Variants in SLC9A8 observed in about 807,000 individuals in gnomAD.
The protein encoded by SLC9A8 is sodium/hydrogen exchanger 8.
In SLC9A8, 48 loss-of-function variants were observed where a neutral mutation model predicts 66.6. The observed-to-expected ratio is 0.72, with a 90% CI of 0.57 to 0.92. The LOEUF is 0.92. Among genes scored for constraint, SLC9A8 ranks in the 40% least tolerant of loss-of-function variants. The probability of loss-of-function intolerance (pLI) is 0.00; values close to 1 mark genes in which losing one functional copy is unlikely to be tolerated. For missense variants in SLC9A8, 599 were observed against 747.3 expected, an observed-to-expected ratio of 0.80 and a Z score of 2.31; for synonymous variants, 274 against 282.6, an observed-to-expected ratio of 0.97 and a Z score of 0.31.
At chr20:49,830,724 G>A (rs568804876) in intron 3 of SLC9A8, 19 of 706,206 alleles carry the variant, frequency 2.7e-5, no homozygotes, top group South Asian at 1.2e-4. Flanking sequence ...AGTTGGCAAC[G>A]CAGCCAAGAT....
chr20:49,883,331 C>G (rs377114808), intron 13 of SLC9A8, among the ~76,000 whole-genome samples: 6 of 152,166 alleles, frequency 3.9e-5, no homozygotes, highest in African/African-American at 1.4e-4. Flanking sequence ...GGGTACTGGA[C>G]ACATTGCATC....
chr20:49,872,376 G>A (rs146920020), intron 10 of SLC9A8, among the ~76,000 whole-genome samples: 2 of 152,072 alleles, frequency 1.3e-5, no homozygotes, highest in Non-Finnish European at 2.9e-5. Flanking sequence ...AAAAAAGTAG[G>A]TTTCCTATAT....
chr20:49,884,263 CACACACACACG>C (rs1568883836), intron 14 of SLC9A8, 197 bp downstream of exon 14: 47 of 341,190 alleles, frequency 1.4e-4, no homozygotes, highest in African/African-American at 2.8e-4. Context: ...ACACACGACA[CACACACACACG>C]ACACACACAC....
chr20:49,829,929 A>C, intron 3 of SLC9A8: 2 of 583,492 alleles, frequency 3.4e-6, no homozygotes, highest in Admixed American at 3.8e-5. Flanking sequence ...ATCCAAGAGC[A>C]AAGTCCCCAG....
At chr20:49,851,003 A>G (rs1396481496) in intron 7 of SLC9A8, among the ~76,000 whole-genome samples, 159 bp downstream of exon 7, 8 of 152,144 alleles carry the variant, frequency 5.3e-5, no homozygotes, top group African/African-American at 1.9e-4. Flanking sequence ...GTTAATTTGT[A>G]TCTCTGAAAT....
At chr20:49,847,547 A>G (rs2088052525) in intron 5 of SLC9A8, among the ~76,000 whole-genome samples, 1 of 152,136 alleles carries the variant, frequency 6.6e-6, no homozygotes, top group African/African-American at 2.4e-5. Context: ...TGAAACTTCT[A>G]TCCACTTTCT....
At chr20:49,866,168 T>C (rs1046877470) in intron 10 of SLC9A8, among the ~76,000 whole-genome samples, 8 of 152,238 alleles carry the variant, frequency 5.3e-5, no homozygotes, top group Admixed American at 4.6e-4. Context: ...ACTGTCATTG[T>C]AGTTTAAATG....
chr20:49,834,331 GTGTATATATA>G (rs2087377259), intron 3 of SLC9A8, among the ~76,000 whole-genome samples: 1 of 83,490 alleles, frequency 1.2e-5, no homozygotes, highest in African/African-American at 5.0e-5. Flanking sequence ...TATATATACT[GTGTATATATA>G]TATATACTGT....
rs749056279 is a variant in SLC9A8, at chr20:49,874,751, G to A, written c.1005G>A (p.Thr335=). The A allele has an allele frequency of 1.2e-5, 20 of 1,613,788 alleles. No homozygotes were observed. Among genetic ancestry groups the A allele is most frequent in the Admixed American group, 3.3e-5 (2 of 60,014 alleles). ...LFSGIVMSHY[T]HHNLSPVTQI... is the part of the protein sequence containing the mutation. ...CAGGCATCGTGATGTCCCACTACAC[G>A]CACCATAACCTCTCCCCAGTCACCC... is the stretch of plus-strand genomic sequence containing the variant. Residue 335 remains threonine, a synonymous_variant, in exon 11 of 16, where the codon ACG becomes ACA. Coordinates refer to ENST00000361573, the MANE Select transcript of SLC9A8 (RefSeq NM_015266.3).
At chr20:49,828,396 T>C (rs1203135620) in intron 3 of SLC9A8, among the ~76,000 whole-genome samples, 1 of 151,442 alleles carries the variant, frequency 6.6e-6, no homozygotes, top group East Asian at 2.0e-4. Flanking sequence ...TTTATATATA[T>C]ATTTTTTAGT....
chr20:49,822,214 C>CA (rs2086765048), intron 2 of SLC9A8, among the ~76,000 whole-genome samples: 1 of 152,198 alleles, frequency 6.6e-6, no homozygotes, highest in Non-Finnish European at 1.5e-5. Context: ...ATTCAGATCT[C>CA]TGATGTTCTT....
At position 49,834,375 on chromosome 20, in the gene SLC9A8, ATATATATACTGTG is replaced by A. The variant is rs1568813426; in HGVS notation, c.290-5157_290-5145del. ...GTATATATATATATACTGTGTATAT[ATATATATACTGTG>A]TATATATATATACTGTGTATATATA... On this transcript the variant is annotated intron_variant, in intron 3 of 15. Transcript: ENST00000361573. 1.5e-3 allele frequency among the ~76,000 whole-genome samples: 99 copies of A among 66,660 alleles called. 7 individuals carry two copies. Among genetic ancestry groups the A allele is most frequent in the Admixed American group, 1.8e-3 (13 of 7,070 alleles). 43.7% of individuals were successfully genotyped at this position (66,660 alleles called of 152,430 possible).
chr20:49,837,250 T>C (rs1449090953), intron 3 of SLC9A8, among the ~76,000 whole-genome samples: 2 of 152,256 alleles, frequency 1.3e-5, no homozygotes, highest in South Asian at 2.1e-4. Flanking sequence ...AGATGTCTCA[T>C]GTCTCCCTAA....
intron 3 of SLC9A8, among the ~76,000 whole-genome samples, chr20:49,832,500 A>G (rs1197131608): frequency 1.3e-5 from 2 of 152,114 alleles, no homozygotes; most frequent in East Asian, 3.8e-4. Flanking sequence ...ATCCCTCTAC[A>G]TGGGTTGGAT....
intron 6 of SLC9A8, 58 bp downstream of exon 6, chr20:49,849,738 G>T (rs559389479): frequency 1.4e-6 from 2 of 1,394,048 alleles, no homozygotes; most frequent in African/African-American, 1.4e-5. Flanking sequence ...GCTAGTGCAG[G>T]GAGGTGGGAA....
chr20:49,872,554 C>A (rs974671671), intron 10 of SLC9A8, among the ~76,000 whole-genome samples: 8 of 151,720 alleles, frequency 5.3e-5, no homozygotes, highest in African/African-American at 1.9e-4. Flanking sequence ...GCCGCAATCT[C>A]GGCTCACTGC....
chr20:49,850,987 C>A, intron 7 of SLC9A8, 143 bp downstream of exon 7: 1 of 563,312 alleles, frequency 1.8e-6, no homozygotes, highest in African/African-American at 1.9e-5. Context: ...TAGAATCTTA[C>A]TCTGAGTTAA....
rs2089959631 is a variant in SLC9A8, at chr20:49,888,166, T to C, written c.*230T>C. On this transcript the variant is annotated 3_prime_UTR_variant, in exon 16 of 16. Transcript: ENST00000361573. Reference sequence around the variant, plus strand: ...CTCCCGACTCCTCCCTGAGCCAGCCTCCGCTCAGTGTGGCTCCTCAGCCCA... The same window carrying C: ...CTCCCGACTCCTCCCTGAGCCAGCCCCCGCTCAGTGTGGCTCCTCAGCCCA... 2.2e-6 allele frequency: 1 copy of C among 462,726 alleles called. No individual in the cohort carries two copies. The highest frequency in any genetic ancestry group is 4.0e-6 in the Non-Finnish European group (1 of 250,408). 28.7% of individuals were successfully genotyped at this position (462,726 alleles called of 1,614,324 possible).
intron 13 of SLC9A8, among the ~76,000 whole-genome samples, chr20:49,883,107 G>A (rs1054784068): frequency 1.3e-5 from 2 of 150,844 alleles, no homozygotes; most frequent in African/African-American, 2.4e-5. Context: ...CCCCAAGGGT[G>A]GGGCTAGGAC....
Sources: allele counts gnomAD v4.1 joint callset (sites outside exome capture counted in the v4.1 genomes callset), GRCh38; gene constraint gnomAD v4.1.1; transcripts MANE v1.5; gene names NCBI Gene and HGNC (gene_info 2026-07-23, HGNC 2026-07-21).